DYM: variants seen among roughly 807,000 people sequenced by gnomAD.
DYM encodes the protein dymeclin.
A neutral mutation model predicts 93.1 loss-of-function variants in DYM; 78 were observed. The observed-to-expected ratio is 0.84, with a 90% CI of 0.70 to 1.01. DYM has a LOEUF of 1.01. DYM is among the 50% of genes least tolerant of loss of function. The pLI is 0.00. For missense variants in DYM, 789 were observed against 845.0 expected, an observed-to-expected ratio of 0.93 and a Z score of 0.82; for synonymous variants, 321 against 319.7, an observed-to-expected ratio of 1.00 and a Z score of -0.04.
chr18:49,251,097 T>G (rs2144962329), intron 13 of DYM, among the ~76,000 whole-genome samples: 1 of 152,346 alleles, frequency 6.6e-6, no homozygotes, highest in Non-Finnish European at 1.5e-5. Flanking sequence ...CTCCACGTAT[T>G]GTCAAATGTC....
At chr18:49,276,215 A>T (rs1364915446) in intron 10 of DYM, among the ~76,000 whole-genome samples, 1 of 152,098 alleles carries the variant, frequency 6.6e-6, no homozygotes, top group Non-Finnish European at 1.5e-5. Flanking sequence ...TTTTCATAGA[A>T]GCCCTTTACT....
chr18:49,442,720 A>C (rs901539053), intron 1 of DYM, among the ~76,000 whole-genome samples: 6 of 152,148 alleles, frequency 3.9e-5, no homozygotes, highest in African/African-American at 1.4e-4. Context: ...CACCATCTTA[A>C]CTGTTTCACA....
At chr18:49,082,080 C>T (rs551102714) in intron 17 of DYM, among the ~76,000 whole-genome samples, 1 of 152,346 alleles carries the variant, frequency 6.6e-6, no homozygotes, top group Non-Finnish European at 1.5e-5. Context: ...AGCTCTTTCC[C>T]TTCTAGGATT....
intron 17 of DYM, among the ~76,000 whole-genome samples, chr18:49,050,555 A>G (rs1167048626): frequency 6.6e-6 from 1 of 152,088 alleles, no homozygotes; most frequent in Admixed American, 6.5e-5. Flanking sequence ...AACATCCAGC[A>G]TGGCAGCTAA....
intron 15 of DYM, among the ~76,000 whole-genome samples, chr18:49,128,289 G>C (rs1054390640): frequency 1.3e-5 from 2 of 152,214 alleles, no homozygotes; most frequent in African/African-American, 4.8e-5. Flanking sequence ...CAGCAGAAGA[G>C]ACAAGTGCGT....
At chr18:49,289,387 A>T (rs1461754929) in intron 8 of DYM, among the ~76,000 whole-genome samples, 3 of 107,816 alleles carry the variant, frequency 2.8e-5, no homozygotes, top group Admixed American at 1.2e-4. Context: ...GGATTTTTTT[A>T]AAAATCTACA....
At chr18:49,457,306 C>T (rs1600423813) in intron 1 of DYM, among the ~76,000 whole-genome samples, 1 of 152,134 alleles carries the variant, frequency 6.6e-6, no homozygotes, top group African/African-American at 2.4e-5. Context: ...TTGCCCCCAG[C>T]GTGTCCTGTG....
chr18:49,339,437 T>C (rs2063920725), intron 6 of DYM, among the ~76,000 whole-genome samples: 1 of 152,144 alleles, frequency 6.6e-6, no homozygotes, highest in African/African-American at 2.4e-5. Context: ...ATAACTACGA[T>C]GTGTGTTGAG....
chr18:49,441,063 ATT>A (rs1178871836), intron 1 of DYM, among the ~76,000 whole-genome samples: 1 of 8,552 alleles, frequency 1.2e-4, no homozygotes, highest in Non-Finnish European at 2.3e-4. Context: ...ATTTATATAT[ATT>A]ATATATAAAT....
intron 1 of DYM, among the ~76,000 whole-genome samples, chr18:49,452,017 A>G (rs2082558733): frequency 6.6e-6 from 1 of 151,974 alleles, no homozygotes; most frequent in South Asian, 2.1e-4. Flanking sequence ...TGCTATACTC[A>G]CTCTACTATT....
chr18:49,288,616 T>C lies in DYM; in HGVS notation c.764-2000A>G, dbSNP rs577388480. ...CAACATGGTGAAACCCCGTCTCTAC[T>C]AAAAATACAAAAATTAGCCAGGTGT... On this transcript the variant is annotated intron_variant, in intron 8 of 17. Coordinates refer to ENST00000675505, the MANE Select transcript of DYM (RefSeq NM_001353214.3). Among the ~76,000 whole-genome samples, 22 of 151,954 alleles carry C rather than the reference T, an allele frequency of 1.4e-4. No individual in the cohort carries two copies. The South Asian group carries it at 4.6e-3, about 32-fold the overall frequency.
rs115989294 is a variant in DYM at position 49,339,350 on chromosome 18, C to T, written c.495-5497G>A. On this transcript the variant is annotated intron_variant, in intron 6 of 17. Transcript: ENST00000675505. ...TCATGCCTGCTTCCTGCTATTCATG[C>T]CCTTGTGTAATCCCCTCCCCTCACA... Among the ~76,000 whole-genome samples the T allele has an allele frequency of 4.9e-3, 754 of 152,330 alleles. 8 individuals are homozygous for T. Among genetic ancestry groups the T allele is most frequent in the African/African-American group, 0.017 (707 of 41,570 alleles).
Position 49,459,843 on chromosome 18 carries a change from G to A in DYM, c.-54+555C>T, listed in dbSNP as rs76600910. Among the ~76,000 whole-genome samples, 614 of 151,628 alleles carry A rather than the reference G, an allele frequency of 4.0e-3. 4 individuals carry two copies. Among genetic ancestry groups the A allele is most frequent in the African/African-American group, 0.014 (597 of 41,264 alleles). On this transcript the variant is annotated intron_variant, in intron 1 of 17. Coordinates refer to ENST00000675505, the MANE Select transcript of DYM (RefSeq NM_001353214.3). ...AACACAATTGCTCAGGCAAATCCAC[G>A]GCGACTGAAAGTAGATCAATAGTGT...
At chr18:49,436,962 G>T (rs1194616584) in intron 1 of DYM, among the ~76,000 whole-genome samples, 1 of 152,100 alleles carries the variant, frequency 6.6e-6, no homozygotes, top group African/African-American at 2.4e-5. Flanking sequence ...ATTTTCAAAA[G>T]AACAAAATTT....
intron 15 of DYM, among the ~76,000 whole-genome samples, chr18:49,134,955 C>T (rs1468483247): frequency 6.6e-6 from 1 of 151,638 alleles, no homozygotes; most frequent in Non-Finnish European, 1.5e-5. Flanking sequence ...AAAAATACAA[C>T]AAATTAGCTG....
chr18:49,078,103 T>C (rs2077462116), intron 17 of DYM, among the ~76,000 whole-genome samples: 2 of 152,218 alleles, frequency 1.3e-5, no homozygotes, highest in African/African-American at 4.8e-5. Flanking sequence ...TATTCATTTT[T>C]TTATTACTTT....
chr18:49,264,920 T>C (rs1003440161), intron 11 of DYM, among the ~76,000 whole-genome samples: 8 of 152,218 alleles, frequency 5.3e-5, no homozygotes, highest in Admixed American at 3.3e-4. Context: ...ATGACTTACC[T>C]GGCAAGTTAA....
intron 15 of DYM, among the ~76,000 whole-genome samples, chr18:49,154,141 T>C (rs2086125240): frequency 2.6e-5 from 4 of 152,092 alleles, no homozygotes; most frequent in Non-Finnish European, 4.4e-5. Flanking sequence ...AATAACTGAC[T>C]AGTAGTCTTT....
At chr18:49,268,265 A>G (rs896577347) in intron 11 of DYM, among the ~76,000 whole-genome samples, 11 of 152,222 alleles carry the variant, frequency 7.2e-5, no homozygotes, top group Non-Finnish European at 1.6e-4. Context: ...ACTCTTTTCT[A>G]CTATTACATA....
Sources: gnomAD v4.1 joint callset for allele counts (sites outside exome capture counted in the v4.1 genomes callset) on GRCh38, gnomAD v4.1.1 for gene constraint, MANE v1.5 for transcripts, NCBI Gene and HGNC (gene_info 2026-07-23, HGNC 2026-07-21) for gene names.